DDAH1: variants seen among roughly 807,000 people sequenced by gnomAD.
DDAH1 encodes the protein dimethylarginine dimethylaminohydrolase 1, also known as N(G),N(G)-dimethylarginine dimethylaminohydrolase 1.
In DDAH1, 19 loss-of-function variants were observed where a neutral mutation model predicts 28.8. The observed-to-expected ratio is 0.66, with a 90% CI of 0.46 to 0.97. The LOEUF is 0.97. Ranked by LOEUF, DDAH1 falls within the 50% of genes least tolerant of loss-of-function variation. The pLI, the probability that DDAH1 is intolerant of heterozygous loss-of-function variation, is 0.00. For synonymous variants in DDAH1, 153 were observed against 154.4 expected (o/e 0.99, Z 0.07); for missense variants, 326 against 375.9 (o/e 0.87, Z 1.10).
chr1:85,546,145 C>CAA (rs1348401824), intron 1 of DDAH1, among the ~76,000 whole-genome samples: 1 of 148,680 alleles, frequency 6.7e-6, no homozygotes. Flanking sequence ...AAAAAAAAAA[C>CAA]ATGCGTTGGA....
intron 1 of DDAH1, among the ~76,000 whole-genome samples, chr1:85,382,988 A>T (rs1651071442): frequency 6.6e-6 from 1 of 152,232 alleles, no homozygotes; most frequent in African/African-American, 2.4e-5. Context: ...GTTCTGATAG[A>T]AATGCTCAAG....
At chr1:85,549,699 A>G (rs1439232735) in intron 1 of DDAH1, among the ~76,000 whole-genome samples, 1 of 152,238 alleles carries the variant, frequency 6.6e-6, no homozygotes, top group Non-Finnish European at 1.5e-5. Context: ...AGGAGTTAAG[A>G]GAAATAAGAG....
chr1:85,578,030 A>T (rs996582716), exon 1 of DDAH1: 3 of 985,424 alleles, frequency 3.0e-6, no homozygotes, highest in South Asian at 9.4e-5. Context: ...ACTTGGACTG[A>T]TCTGCGGCTC....
chr1:85,395,356 T>C (rs957217433), intron 1 of DDAH1, among the ~76,000 whole-genome samples: 76 of 152,224 alleles, frequency 5.0e-4, no homozygotes, highest in African/African-American at 1.7e-3. Flanking sequence ...TGCCCTAAGG[T>C]AGAATGACTG....
At chr1:85,408,288 TCTTC>T (rs1446004183) in intron 1 of DDAH1, among the ~76,000 whole-genome samples, 2 of 113,884 alleles carry the variant, frequency 1.8e-5, no homozygotes, top group South Asian at 2.9e-4. Flanking sequence ...TTTTTCTCCT[TCTTC>T]CTTTTTTTTT....
chr1:85,444,343 C>CCACTGG (rs1171113589), intron 1 of DDAH1, among the ~76,000 whole-genome samples: 4 of 152,170 alleles, frequency 2.6e-5, no homozygotes, highest in African/African-American at 9.7e-5. Context: ...GTAGAACCAG[C>CCACTGG]CTTACATCCC....
intron 1 of DDAH1, among the ~76,000 whole-genome samples, chr1:85,423,266 T>C (rs1653234874): frequency 6.6e-6 from 1 of 152,226 alleles, no homozygotes; most frequent in African/African-American, 2.4e-5. Flanking sequence ...CACCTTTCCA[T>C]ATATGCTTTA....
intron 1 of DDAH1, among the ~76,000 whole-genome samples, chr1:85,362,537 C>A (rs1023952625): frequency 1.3e-5 from 2 of 152,052 alleles, no homozygotes; most frequent in Non-Finnish European, 2.9e-5. Flanking sequence ...ATTATCCTGT[C>A]TTCTCTTTTC....
chr1:85,556,256 A>G (rs1202525116), intron 1 of DDAH1, among the ~76,000 whole-genome samples: 1 of 152,108 alleles, frequency 6.6e-6, no homozygotes, highest in Non-Finnish European at 1.5e-5. Context: ...CTCCTGTCCA[A>G]CATCCTCTGC....
intron 2 of DDAH1, among the ~76,000 whole-genome samples, chr1:85,352,580 C>T (rs916557088): frequency 2.6e-5 from 4 of 152,090 alleles, no homozygotes; most frequent in African/African-American, 9.7e-5. Flanking sequence ...CCTGATTTAA[C>T]CCACCACCAC....
At chr1:85,417,114 C>T (rs1484591032) in intron 1 of DDAH1, among the ~76,000 whole-genome samples, 1 of 152,176 alleles carries the variant, frequency 6.6e-6, no homozygotes, top group Admixed American at 6.5e-5. Context: ...GTAAAATGAT[C>T]AAATTATCAG....
chr1:85,361,805 T>C (rs1649811161), intron 1 of DDAH1, among the ~76,000 whole-genome samples: 1 of 152,232 alleles, frequency 6.6e-6, no homozygotes, highest in Admixed American at 6.5e-5. Flanking sequence ...CTGCTACTTA[T>C]TAGCCAGTGT....
At chr1:85,426,841 G>A (rs1653414593) in intron 1 of DDAH1, among the ~76,000 whole-genome samples, 1 of 137,902 alleles carries the variant, frequency 7.3e-6, no homozygotes, top group African/African-American at 2.7e-5. Flanking sequence ...AACCCCAGGA[G>A]TTTGAGGCTG....
intron 1 of DDAH1, among the ~76,000 whole-genome samples, chr1:85,429,117 C>A (rs1653549463): frequency 2.0e-5 from 3 of 152,006 alleles, no homozygotes; most frequent in African/African-American, 7.2e-5. Context: ...CTGCACCCAA[C>A]AACCCGTCAT....
chr1:85,546,189 G>C (rs1465505310), intron 1 of DDAH1, among the ~76,000 whole-genome samples: 2 of 151,836 alleles, frequency 1.3e-5, no homozygotes, highest in Non-Finnish European at 2.9e-5. Context: ...ATTAAGAAGT[G>C]GGACCTTTAA....
intron 1 of DDAH1, among the ~76,000 whole-genome samples, chr1:85,513,221 G>C (rs1657311032): frequency 1.3e-5 from 2 of 152,140 alleles, no homozygotes; most frequent in Admixed American, 1.3e-4. Context: ...TCTGATATTT[G>C]ACAAACCTGA....
intron 1 of DDAH1, among the ~76,000 whole-genome samples, chr1:85,424,725 A>T (rs1459947604): frequency 6.6e-6 from 1 of 152,012 alleles, no homozygotes; most frequent in African/African-American, 2.4e-5. Flanking sequence ...ACCTTAATGA[A>T]ATTTCTAAGT....
At chr1:85,566,149 A>G (rs535278329) in intron 1 of DDAH1, among the ~76,000 whole-genome samples, 66 of 152,258 alleles carry the variant, frequency 4.3e-4, no homozygotes, top group African/African-American at 1.6e-3. Flanking sequence ...CCAATAAAAA[A>G]GGAAATACAA....
chr1:85,472,869 C>A (rs1655666338), intron 2 of DDAH1, among the ~76,000 whole-genome samples: 1 of 152,150 alleles, frequency 6.6e-6, no homozygotes, highest in Non-Finnish European at 1.5e-5. Flanking sequence ...CTTCCCACCT[C>A]CCCTCCTGTC....
Sources: allele counts gnomAD v4.1 joint callset (sites outside exome capture counted in the v4.1 genomes callset), GRCh38; gene constraint gnomAD v4.1.1; transcripts MANE v1.5; gene names NCBI Gene and HGNC (gene_info 2026-07-23, HGNC 2026-07-21).